Variants in CCSER2 observed in about 807,000 individuals in gnomAD.
The protein encoded by CCSER2 is serine-rich coiled-coil domain-containing protein 2.
CCSER2 carries 46 observed loss-of-function variants against 92.3 expected under a neutral mutation model. That is an observed-to-expected ratio of 0.50 (90% confidence interval 0.39 to 0.64). CCSER2 has a LOEUF of 0.64. Ranked by LOEUF, CCSER2 falls within the 30% of genes least tolerant of loss-of-function variation. CCSER2 has a pLI of 0.00. For synonymous variants in CCSER2, 433 were observed against 431.4 expected (o/e 1.00, Z -0.04); for missense variants, 1,244 against 1,238.9 (o/e 1.00, Z -0.06).
At chr10:84,381,826 G>A (rs1026190789) in intron 3 of CCSER2, among the ~76,000 whole-genome samples, 1 of 150,900 alleles carries the variant, frequency 6.6e-6, no homozygotes, top group African/African-American at 2.4e-5. Context: ...TACTCGGGAG[G>A]CTAGGAGAAT....
chr10:84,482,078 A>G (rs909790501), intron 9 of CCSER2, among the ~76,000 whole-genome samples: 4 of 152,204 alleles, frequency 2.6e-5, no homozygotes, highest in Non-Finnish European at 5.9e-5. Flanking sequence ...GGATATGGAA[A>G]GCTACCTAGA....
intron 1 of CCSER2, among the ~76,000 whole-genome samples, chr10:84,359,802 T>C (rs1462272556): frequency 3.9e-5 from 6 of 152,180 alleles, no homozygotes; most frequent in Middle Eastern, 3.4e-3. Flanking sequence ...TGGGGTTTAC[T>C]TTTTTATTTT....
intron 7 of CCSER2, 34 bp from the exon 8 acceptor site, chr10:84,470,338 A>T (rs1211781605): frequency 8.7e-7 from 1 of 1,154,308 alleles, no homozygotes; most frequent in East Asian, 3.2e-5. Flanking sequence ...ATGGTATTTT[A>T]AATACCTCAT....
intron 3 of CCSER2, among the ~76,000 whole-genome samples, chr10:84,406,906 T>C (rs1842406561): frequency 6.6e-6 from 1 of 152,152 alleles, no homozygotes; most frequent in Non-Finnish European, 1.5e-5. Context: ...AATTTTTTTT[T>C]CTCCTATTAC....
chr10:84,461,830 C>T (rs147030197), intron 6 of CCSER2, among the ~76,000 whole-genome samples: 1 of 152,044 alleles, frequency 6.6e-6, no homozygotes, highest in African/African-American at 2.4e-5. Flanking sequence ...GACATTTTCT[C>T]CTCTGTTTAG....
rs566848236 is a variant in CCSER2 at position 84,447,048 on chromosome 10, T to C, written c.2064+8341T>C. Among the ~76,000 whole-genome samples, 53 of 152,032 alleles carry C rather than the reference T, an allele frequency of 3.5e-4. 1 individual carries two copies. Among genetic ancestry groups the C allele is most frequent in the African/African-American group, 1.3e-3 (53 of 41,514 alleles). Reference sequence around the variant, plus strand: ...TTTCCAGTTTTTTTTTTTTTGACTCTGACAAATAATATTCCTATGAACATT... The same window carrying C: ...TTTCCAGTTTTTTTTTTTTTGACTCCGACAAATAATATTCCTATGAACATT... On this transcript the variant is annotated intron_variant, in intron 6 of 9. Coordinates refer to ENST00000372088, the MANE Select transcript of CCSER2 (RefSeq NM_001284240.2).
chr10:84,402,957 C>A (rs1453160628), intron 3 of CCSER2, among the ~76,000 whole-genome samples: 3 of 152,146 alleles, frequency 2.0e-5, no homozygotes, highest in African/African-American at 7.2e-5. Context: ...TATAGACAGG[C>A]TTGTTCTAAA....
intron 3 of CCSER2, among the ~76,000 whole-genome samples, chr10:84,388,177 A>G (rs1000870223): frequency 6.6e-6 from 1 of 151,994 alleles, no homozygotes; most frequent in Non-Finnish European, 1.5e-5. Flanking sequence ...TAAAATTCTC[A>G]TTTTCTGATG....
intron 8 of CCSER2, chr10:84,473,064 T>C (rs1245026805): frequency 6.6e-6 from 1 of 152,252 alleles, no homozygotes; most frequent in East Asian, 1.9e-4. Context: ...TAATATCTCA[T>C]CTTGAAAATA....
intron 5 of CCSER2, among the ~76,000 whole-genome samples, chr10:84,428,420 A>G (rs977168997): frequency 5.5e-4 from 83 of 152,134 alleles, no homozygotes; most frequent in Admixed American, 4.6e-4. Context: ...ATAAGCAGGA[A>G]TGCTTACATG....
intron 3 of CCSER2, among the ~76,000 whole-genome samples, chr10:84,401,769 C>T (rs945137683): frequency 2.0e-4 from 31 of 152,308 alleles, no homozygotes; most frequent in Admixed American, 1.8e-3. Context: ...TCATTAACAT[C>T]GTAGTGCATG....
intron 3 of CCSER2, among the ~76,000 whole-genome samples, chr10:84,414,469 A>G (rs1564640105): frequency 6.6e-6 from 1 of 152,126 alleles, no homozygotes; most frequent in Non-Finnish European, 1.5e-5. Context: ...AATGTTGAAT[A>G]TTGGCCCCCA....
chr10:84,462,646 A>G (rs776753114), intron 6 of CCSER2, among the ~76,000 whole-genome samples: 1 of 152,204 alleles, frequency 6.6e-6, no homozygotes, highest in African/African-American at 2.4e-5. Context: ...CTTAATGTCC[A>G]TTTGACACCA....
intron 9 of CCSER2, among the ~76,000 whole-genome samples, chr10:84,483,253 C>T (rs1313640049): frequency 1.3e-5 from 2 of 151,894 alleles, no homozygotes; most frequent in Non-Finnish European, 2.9e-5. Context: ...ATTAGTCAGG[C>T]GTGGTGGTGC....
intron 6 of CCSER2, among the ~76,000 whole-genome samples, chr10:84,445,945 AT>A (rs1312567918): frequency 6.6e-6 from 1 of 152,066 alleles, no homozygotes; most frequent in African/African-American, 2.4e-5. Flanking sequence ...ATATGTATGC[AT>A]TTTTATTGTA....
At chr10:84,462,677 T>C (rs987434900) in intron 6 of CCSER2, among the ~76,000 whole-genome samples, 1 of 152,232 alleles carries the variant, frequency 6.6e-6, no homozygotes, top group Non-Finnish European at 1.5e-5. Flanking sequence ...GTAATTTATC[T>C]ATGCTGGAAA....
At chr10:84,421,608 A>G (rs993411898) in intron 4 of CCSER2, among the ~76,000 whole-genome samples, 10 of 152,154 alleles carry the variant, frequency 6.6e-5, no homozygotes, top group Non-Finnish European at 1.3e-4. Flanking sequence ...GATTATTGCA[A>G]TTTAAGGTGA....
At chr10:84,475,931 C>G (rs1432527812) in intron 8 of CCSER2, among the ~76,000 whole-genome samples, 1 of 151,968 alleles carries the variant, frequency 6.6e-6, no homozygotes, top group African/African-American at 2.4e-5. Context: ...CTCCCAAGCT[C>G]AGGTGATCCT....
At chr10:84,361,055 G>T (rs190583257) in intron 1 of CCSER2, among the ~76,000 whole-genome samples, 7 of 152,302 alleles carry the variant, frequency 4.6e-5, no homozygotes, top group Admixed American at 4.6e-4. Flanking sequence ...ACAGAAGGAG[G>T]CAGGGAAGTG....
Sources: gnomAD v4.1 joint callset for allele counts (sites outside exome capture counted in the v4.1 genomes callset) on GRCh38, gnomAD v4.1.1 for gene constraint, MANE v1.5 for transcripts, NCBI Gene and HGNC (gene_info 2026-07-23, HGNC 2026-07-21) for gene names.